DRC9: variants seen among roughly 807,000 people sequenced by gnomAD.
DRC9 encodes dynein regulatory complex subunit 9.
the DRC9 span, among the ~76,000 whole-genome samples, chr3:197,937,752 A>G: frequency 6.6e-6 from 1 of 151,940 alleles, no homozygotes; most frequent in Non-Finnish European, 1.5e-5. Context: ...TGCCGGGATT[A>G]CAGGTTGAGC....
chr3:197,937,750 T>C, the DRC9 span, among the ~76,000 whole-genome samples: 1 of 151,806 alleles, frequency 6.6e-6, no homozygotes, highest in Admixed American at 6.6e-5. Context: ...AGTGCCGGGA[T>C]TACAGGTTGA....
chr3:197,935,991 T>C, the DRC9 span, among the ~76,000 whole-genome samples: 1 of 151,826 alleles, frequency 6.6e-6, no homozygotes, highest in African/African-American at 2.4e-5. Context: ...CTCACGTCTG[T>C]AATCCCAGCA....
the DRC9 span, chr3:197,892,489 G>A: frequency 2.9e-6 from 3 of 1,041,442 alleles, no homozygotes; most frequent in African/African-American, 3.2e-5. Context: ...TGGCCTATTT[G>A]CCACTCCTTC....
chr3:197,923,761 A>T, the DRC9 span, among the ~76,000 whole-genome samples: 1 of 152,120 alleles, frequency 6.6e-6, no homozygotes, highest in East Asian at 1.9e-4. Flanking sequence ...ACAGTAAAAA[A>T]TAAATAAATA....
the DRC9 span, among the ~76,000 whole-genome samples, chr3:197,938,050 T>C: frequency 6.6e-6 from 1 of 152,004 alleles, no homozygotes; most frequent in Non-Finnish European, 1.5e-5. Context: ...GCGCGGTGGC[T>C]CACGCCTGTA....
At chr3:197,892,782 C>T in the DRC9 span, 36 of 1,613,494 alleles carry the variant, frequency 2.2e-5, no homozygotes, top group African/African-American at 6.7e-5. Context: ...AACATGAAAA[C>T]ATGGCATTCA....
At chr3:197,951,990 G>T in the DRC9 span, among the ~76,000 whole-genome samples, 1 of 152,272 alleles carries the variant, frequency 6.6e-6, no homozygotes, top group South Asian at 2.1e-4. Flanking sequence ...TACTTCTGAG[G>T]GTGGTGTTGG....
At chr3:197,946,321 G>T in the DRC9 span, among the ~76,000 whole-genome samples, 1 of 151,138 alleles carries the variant, frequency 6.6e-6, no homozygotes, top group African/African-American at 2.4e-5. Context: ...TGTAGTCCCA[G>T]CTACTCGGGA....
the DRC9 span, chr3:197,913,589 T>C: frequency 9.1e-6 from 5 of 549,522 alleles, no homozygotes; most frequent in African/African-American, 7.6e-5. Flanking sequence ...CTATAATTAG[T>C]CAGAAAAATG....
At chr3:197,937,234 T>C in the DRC9 span, among the ~76,000 whole-genome samples, 1 of 152,196 alleles carries the variant, frequency 6.6e-6, no homozygotes, top group African/African-American at 2.4e-5. Context: ...TTATTTGTCA[T>C]CGAGCCAGCT....
the DRC9 span, among the ~76,000 whole-genome samples, chr3:197,890,388 AAGTG>A: frequency 6.6e-6 from 1 of 151,424 alleles, no homozygotes; most frequent in Non-Finnish European, 1.5e-5. Flanking sequence ...CTGAGTGACA[AAGTG>A]AGATGCTGTC....
At chr3:197,958,910 A>G in the DRC9 span, 2 of 152,362 alleles carry the variant, frequency 1.3e-5, no homozygotes, top group African/African-American at 2.4e-5. Flanking sequence ...CACCATTGAA[A>G]CAGCTTTGCC....
the DRC9 span, among the ~76,000 whole-genome samples, chr3:197,955,306 G>T: frequency 1.3e-5 from 2 of 148,572 alleles, no homozygotes; most frequent in Non-Finnish European, 3.0e-5. Flanking sequence ...GTCTCATTCT[G>T]TCACCAGGCT....
chr3:197,911,859 C>T, the DRC9 span, among the ~76,000 whole-genome samples: 1 of 151,726 alleles, frequency 6.6e-6, no homozygotes, highest in Non-Finnish European at 1.5e-5. Context: ...AGGCTGGTCT[C>T]GAACTCCTGA....
chr3:197,914,022 A>G, the DRC9 span: 1 of 1,614,052 alleles, frequency 6.2e-7, no homozygotes, highest in Non-Finnish European at 8.5e-7. Context: ...CCTTGAGGTT[A>G]GCAATATACT....
At chr3:197,946,295 C>T in the DRC9 span, among the ~76,000 whole-genome samples, 1 of 151,490 alleles carries the variant, frequency 6.6e-6, no homozygotes, top group Non-Finnish European at 1.5e-5. Context: ...ATTAGCCGGG[C>T]GTGGTGGCGG....
chr3:197,905,037 T>C, the DRC9 span, among the ~76,000 whole-genome samples: 87 of 152,138 alleles, frequency 5.7e-4, no homozygotes, highest in African/African-American at 2.0e-3. Context: ...ATTAAAACAA[T>C]TGAACTCATG....
the DRC9 span, chr3:197,956,152 A>G: frequency 3.8e-6 from 1 of 261,308 alleles, no homozygotes; most frequent in Non-Finnish European, 7.6e-6. Context: ...AGAGGGTCTG[A>G]CTCTTGCCTA....
At chr3:197,960,015 C>A in the DRC9 span, 1 of 575,158 alleles carries the variant, frequency 1.7e-6, no homozygotes, top group Non-Finnish European at 3.1e-6. Flanking sequence ...CCCACAGCCC[C>A]ACTCACGTGG....
Sources: gnomAD v4.1 joint callset for allele counts (sites outside exome capture counted in the v4.1 genomes callset) on GRCh38, gnomAD v4.1.1 for gene constraint, MANE v1.5 for transcripts, NCBI Gene and HGNC (gene_info 2026-07-23, HGNC 2026-07-21) for gene names.